The following HEMK2 variants were observed in gnomAD, a reference collection of about 807,000 sequenced individuals.
HEMK2 encodes HemK methyltransferase 2, ETF1 glutamine and histone H4 lysine.
the HEMK2 span, among the ~76,000 whole-genome samples, chr21:28,665,566 C>A: frequency 6.6e-6 from 1 of 151,496 alleles, no homozygotes; most frequent in Non-Finnish European, 1.5e-5. Context: ...ACATGGCAAT[C>A]ATTAAAAAGT....
chr21:28,780,987 G>A, the HEMK2 span, among the ~76,000 whole-genome samples: 3 of 152,182 alleles, frequency 2.0e-5, no homozygotes, highest in Non-Finnish European at 2.9e-5. Flanking sequence ...GACAGGAAGA[G>A]TTCTCTCATC....
chr21:28,866,046 T>C, the HEMK2 span, among the ~76,000 whole-genome samples: 1 of 151,268 alleles, frequency 6.6e-6, no homozygotes, highest in Admixed American at 6.6e-5. Flanking sequence ...CTCATGCCTG[T>C]ACTTCCAGCA....
the HEMK2 span, among the ~76,000 whole-genome samples, chr21:28,836,466 A>G: frequency 3.3e-5 from 5 of 152,220 alleles, no homozygotes; most frequent in African/African-American, 1.2e-4. Flanking sequence ...AGCCACCACT[A>G]CAAGAACTGC....
chr21:28,627,483 C>A, the HEMK2 span, among the ~76,000 whole-genome samples: 2 of 152,170 alleles, frequency 1.3e-5, no homozygotes, highest in African/African-American at 2.4e-5. Context: ...CCCCACGTTT[C>A]AATATCCTGA....
the HEMK2 span, among the ~76,000 whole-genome samples, chr21:28,755,240 C>A: frequency 6.6e-5 from 10 of 152,158 alleles, no homozygotes; most frequent in African/African-American, 1.2e-4. Flanking sequence ...GGAAGGGTAT[C>A]ATTTCTGTGA....
chr21:28,775,132 A>ATGT, the HEMK2 span, among the ~76,000 whole-genome samples: 2 of 152,254 alleles, frequency 1.3e-5, no homozygotes, highest in Non-Finnish European at 2.9e-5. Context: ...AACATTAGAG[A>ATGT]TAATCTTATG....
chr21:28,680,525 G>C, the HEMK2 span, among the ~76,000 whole-genome samples: 17 of 152,162 alleles, frequency 1.1e-4, no homozygotes, highest in Admixed American at 1.1e-3. Context: ...AATAGAAAAA[G>C]AGGGAATCCT....
At chr21:28,631,283 AT>A in the HEMK2 span, among the ~76,000 whole-genome samples, 1 of 152,186 alleles carries the variant, frequency 6.6e-6, no homozygotes, top group Non-Finnish European at 1.5e-5. Context: ...ATTGCTTTTT[AT>A]TGTAAAAATT....
the HEMK2 span, among the ~76,000 whole-genome samples, chr21:28,585,041 G>A: frequency 6.6e-6 from 1 of 152,146 alleles, no homozygotes; most frequent in Non-Finnish European, 1.5e-5. Flanking sequence ...AGAGGTGATT[G>A]CCAGTATATG....
chr21:28,625,862 A>G, the HEMK2 span, among the ~76,000 whole-genome samples: 4 of 152,228 alleles, frequency 2.6e-5, no homozygotes, highest in African/African-American at 7.2e-5. Flanking sequence ...CCAGAAATGT[A>G]ACAACAAGGA....
At chr21:28,859,677 C>A in the HEMK2 span, among the ~76,000 whole-genome samples, 88 of 152,258 alleles carry the variant, frequency 5.8e-4, no homozygotes, top group African/African-American at 2.0e-3. Context: ...ATGGGGACCT[C>A]AGGTGTACTG....
chr21:28,697,085 A>G, the HEMK2 span, among the ~76,000 whole-genome samples: 1 of 152,222 alleles, frequency 6.6e-6, no homozygotes, highest in East Asian at 1.9e-4. Flanking sequence ...CCCTGGAGAC[A>G]TTTTCCCTGT....
chr21:28,773,246 G>T, the HEMK2 span, among the ~76,000 whole-genome samples: 4 of 152,164 alleles, frequency 2.6e-5, no homozygotes, highest in African/African-American at 7.2e-5. Context: ...TGAATATTTG[G>T]CCTGGTTTGG....
At chr21:28,879,791 G>T in the HEMK2 span, 3 of 1,089,104 alleles carry the variant, frequency 2.8e-6, no homozygotes, top group Non-Finnish European at 3.9e-6. Flanking sequence ...GCTGACTGAT[G>T]TCATAGGATG....
chr21:28,825,968 A>G, the HEMK2 span, among the ~76,000 whole-genome samples: 1 of 152,252 alleles, frequency 6.6e-6, no homozygotes, highest in Non-Finnish European at 1.5e-5. Flanking sequence ...CCAGCTGGAA[A>G]ACGAGGCAGA....
chr21:28,714,298 T>C, the HEMK2 span, among the ~76,000 whole-genome samples: 1 of 152,346 alleles, frequency 6.6e-6, no homozygotes, highest in African/African-American at 2.4e-5. Flanking sequence ...TCTAGATATA[T>C]TATTTCTACT....
At chr21:28,714,819 G>A in the HEMK2 span, among the ~76,000 whole-genome samples, 1 of 152,202 alleles carries the variant, frequency 6.6e-6, no homozygotes, top group East Asian at 1.9e-4. Context: ...AGTCCCCAGT[G>A]TCAATTGTTC....
At chr21:28,663,776 A>C in the HEMK2 span, among the ~76,000 whole-genome samples, 1 of 152,226 alleles carries the variant, frequency 6.6e-6, no homozygotes. Context: ...ATGTGGAGTT[A>C]ATTTAAAATG....
chr21:28,641,283 G>A, the HEMK2 span, among the ~76,000 whole-genome samples: 3 of 152,186 alleles, frequency 2.0e-5, no homozygotes, highest in African/African-American at 4.8e-5. Flanking sequence ...AAGTCAGGAA[G>A]AGTAATGGAA....
Sources: gnomAD v4.1 joint callset for allele counts (sites outside exome capture counted in the v4.1 genomes callset) on GRCh38, gnomAD v4.1.1 for gene constraint, MANE v1.5 for transcripts, NCBI Gene and HGNC (gene_info 2026-07-23, HGNC 2026-07-21) for gene names.